Variants in P2RX7 observed in about 807,000 individuals in gnomAD.
P2RX7 encodes purinergic receptor P2X 7.
Under a neutral mutation model 71.6 loss-of-function variants are expected in P2RX7, and 62 were observed. That is an observed-to-expected ratio of 0.87 (90% CI 0.71 to 1.07). The LOEUF (loss-of-function observed/expected upper bound fraction) is 1.07. P2RX7 is among the 50% of genes least tolerant of loss of function. The pLI, the probability that P2RX7 is intolerant of heterozygous loss-of-function variation, is 0.00. For missense variants in P2RX7, 686 were observed against 748.5 expected (o/e 0.92, Z 0.97); for synonymous variants, 299 against 283.3 (o/e 1.06, Z -0.56).
At chr12:121,164,336 G>A (rs139825738) in intron 5 of P2RX7, among the ~76,000 whole-genome samples, 4 of 152,274 alleles carry the variant, frequency 2.6e-5, no homozygotes, top group East Asian at 1.9e-4. Flanking sequence ...ACGTAACTAC[G>A]CATAAGAGAC....
chr12:121,169,141 A>T (rs977029057), intron 8 of P2RX7, among the ~76,000 whole-genome samples: 1 of 151,930 alleles, frequency 6.6e-6, no homozygotes, highest in African/African-American at 2.4e-5. Flanking sequence ...AATTTTTAAA[A>T]TTTTTTTGTA....
chr12:121,177,336 A>C lies in P2RX7; in HGVS notation c.1078A>C (p.Ser360Arg). Reference protein sequence around the residue: ...FIDFLIDTYSSNCCRSHIYPW... With the variant: ...FIDFLIDTYSRNCCRSHIYPW... ...CGACTTCCTCATCGACACTTACTCCAGTAACTGCTGTCGCTCCCATATTTA... is the reference window on the plus strand; with the variant it reads ...CGACTTCCTCATCGACACTTACTCCCGTAACTGCTGTCGCTCCCATATTTA... Residue 360 changes from serine to arginine, a missense_variant, in exon 11 of 13, where the codon AGT becomes CGT. Transcript: ENST00000328963. 1 of 1,614,022 alleles carries C rather than the reference A, an allele frequency of 6.2e-7. No individual in the cohort carries two copies. Among genetic ancestry groups the C allele is most frequent in the Non-Finnish European group, 8.5e-7 (1 of 1,179,998 alleles).
chr12:121,172,072 A>G (rs1049068570), intron 8 of P2RX7, among the ~76,000 whole-genome samples: 15 of 152,110 alleles, frequency 9.9e-5, no homozygotes, highest in African/African-American at 3.6e-4. Context: ...CATGTTAGCC[A>G]GGATGGTCTC....
chr12:121,161,218 C>G (rs2136067731), intron 4 of P2RX7, among the ~76,000 whole-genome samples: 1 of 152,276 alleles, frequency 6.6e-6, no homozygotes, highest in Middle Eastern at 3.4e-3. Context: ...GTTCAGGATT[C>G]TAATCGGTAG....
chr12:121,140,476 A>G (rs780033767), intron 1 of P2RX7, among the ~76,000 whole-genome samples: 1 of 152,190 alleles, frequency 6.6e-6, no homozygotes, highest in Non-Finnish European at 1.5e-5. Context: ...AGGTTCCTGG[A>G]GTCACCAGAT....
chr12:121,183,570 C>CAA (rs36007827), intron 12 of P2RX7, among the ~76,000 whole-genome samples: 2 of 51,236 alleles, frequency 3.9e-5, no homozygotes, highest in African/African-American at 6.9e-5. Flanking sequence ...GACTCCATCT[C>CAA]AAAAAAAAAA....
At chr12:121,172,403 G>T (rs1215140076) in intron 8 of P2RX7, among the ~76,000 whole-genome samples, 1 of 152,212 alleles carries the variant, frequency 6.6e-6, no homozygotes, top group Non-Finnish European at 1.5e-5. Flanking sequence ...GCTGAGGTGG[G>T]TGCATCACTT....
intron 2 of P2RX7, 61 bp downstream of exon 2, chr12:121,155,014 C>G: frequency 1.3e-6 from 2 of 1,599,004 alleles, no homozygotes; most frequent in East Asian, 2.2e-5. Context: ...GGGCCTAGCT[C>G]CCTTCCCCTA....
rs144822602 is a variant in P2RX7 at position 121,172,201 on chromosome 12, G to A, written c.882-3187G>A. ...TCTTGCCTTCAGTTTAAGAGCCACT[G>A]TAACAAGACTCTGGAAGCAGAAATT... On this transcript the variant is annotated intron_variant, in intron 8 of 12. Transcript: ENST00000328963. Among the ~76,000 whole-genome samples the A allele has an allele frequency of 3.7e-3, 571 of 152,308 alleles. 5 individuals carry two copies. The highest frequency in any genetic ancestry group is 0.014 in the Middle Eastern group (4 of 294).
intron 8 of P2RX7, among the ~76,000 whole-genome samples, chr12:121,169,811 C>G (rs1345059391): frequency 1.3e-5 from 2 of 152,162 alleles, no homozygotes; most frequent in Non-Finnish European, 2.9e-5. Context: ...ACTCAGGAGG[C>G]TGAGGCAGGA....
rs1872729264 is a variant in P2RX7, at chr12:121,132,954, G to A, written c.-17G>A. The A allele has an allele frequency of 6.2e-7, 1 of 1,613,394 alleles. No homozygotes were observed. Among genetic ancestry groups the A allele is most frequent in the Non-Finnish European group, 8.5e-7 (1 of 1,180,004 alleles). On this transcript the variant is annotated 5_prime_UTR_variant, in exon 1 of 13. Transcript: ENST00000328963. The stretch of plus-strand genomic sequence containing the variant: ...AGAGCTCTGGTCCAGCTCCGCGCAG[G>A]GAGGGAGGCTGTCACCATGCCGGCC...
At position 121,154,114 on chromosome 12, in the gene P2RX7, C is replaced by A. The variant is rs935264091; in HGVS notation, c.126-671C>A. ...CTCCAGCCTGGGCAACAGAGCAAGGCCCTTTCTCTGGAATAAAAAAAAAAG... is the reference window on the plus strand; with the variant it reads ...CTCCAGCCTGGGCAACAGAGCAAGGACCTTTCTCTGGAATAAAAAAAAAAG... On this transcript the variant is annotated intron_variant, in intron 1 of 12. Transcript: ENST00000328963. The surrounding 1 kb of genome is among the most constrained non-coding windows in gnomAD (Gnocchi z 4.2). 5.3e-5 allele frequency among the ~76,000 whole-genome samples: 8 copies of A among 151,320 alleles called. No homozygotes were observed. Among genetic ancestry groups the A allele is most frequent in the African/African-American group, 1.9e-4 (8 of 41,208 alleles).
intron 5 of P2RX7, among the ~76,000 whole-genome samples, chr12:121,164,841 A>G (rs1476447889): frequency 1.3e-5 from 2 of 152,190 alleles, no homozygotes. Flanking sequence ...ACGAAAAAAA[A>G]GAGGTTTAAT....
At chr12:121,179,015 G>A (rs551613287) in intron 11 of P2RX7, among the ~76,000 whole-genome samples, 1 of 152,088 alleles carries the variant, frequency 6.6e-6, no homozygotes, top group South Asian at 2.1e-4. Flanking sequence ...ATGTGTGGGT[G>A]TATATATGTA....
rs960692160 is a variant in P2RX7 at position 121,185,050 on chromosome 12, T to C, written c.*248T>C. On this transcript the variant is annotated 3_prime_UTR_variant, in exon 13 of 13. Coordinates refer to ENST00000328963, the MANE Select transcript of P2RX7 (RefSeq NM_002562.6). ...TAGTGAGCCCAGATTGTGCCACTGCTCTCCAGCCTGGGAGGCACAGCAAAC... is the reference window on the plus strand; with the variant it reads ...TAGTGAGCCCAGATTGTGCCACTGCCCTCCAGCCTGGGAGGCACAGCAAAC... 2.7e-6 allele frequency: 1 copy of C among 375,770 alleles called. No homozygotes were observed. The highest frequency in any genetic ancestry group is 4.8e-5 in the South Asian group (1 of 20,768). 23.3% of individuals were successfully genotyped at this position (375,770 alleles called of 1,614,324 possible).
rs1278415669 is a variant in P2RX7, at chr12:121,186,394, C to A, written c.*1592C>A. The A allele has an allele frequency of 1.3e-5, 2 of 152,304 alleles. No homozygotes were observed. Among genetic ancestry groups the A allele is most frequent in the Admixed American group, 6.5e-5 (1 of 15,282 alleles). 9.4% of individuals were successfully genotyped at this position (152,304 alleles called of 1,614,324 possible). On this transcript the variant is annotated 3_prime_UTR_variant, in exon 13 of 13. Coordinates refer to ENST00000328963, the MANE Select transcript of P2RX7 (RefSeq NM_002562.6). ...AATGGGCACACAGACTCAGCCCATACCTTCCCTGGTTCTAATGTTCTCAGG... is the reference window on the plus strand; with the variant it reads ...AATGGGCACACAGACTCAGCCCATAACTTCCCTGGTTCTAATGTTCTCAGG...
At chr12:121,145,100 A>C (rs1593015238) in intron 1 of P2RX7, among the ~76,000 whole-genome samples, 1 of 152,350 alleles carries the variant, frequency 6.6e-6, no homozygotes, top group East Asian at 1.9e-4. Flanking sequence ...AAGAAGGTGC[A>C]ACCGACCAGC....
At chr12:121,162,185 C>A (rs960355737) in intron 4 of P2RX7, 18 of 1,260,842 alleles carry the variant, frequency 1.4e-5, no homozygotes, top group Non-Finnish European at 1.8e-5. Context: ...AACAAAAGAG[C>A]CAGCAGAATC....
In P2RX7 at chr12:121,186,420, G is replaced by A. The variant is rs1283767310; in HGVS notation, c.*1618G>A. The A allele has an allele frequency of 6.6e-6, 1 of 152,280 alleles. No individual in the cohort carries two copies. The highest frequency in any genetic ancestry group is 1.9e-4 in the East Asian group (1 of 5,196). The allele number at this position is 152,280 out of a possible 1,614,324, so 9.4% of individuals were successfully genotyped here. A position where few individuals can be genotyped will look rare whatever the true frequency, so the allele number is the denominator to read the frequency against. Reference sequence around the variant, plus strand: ...CTTCCCTGGTTCTAATGTTCTCAGGGAGCCCGGACCAACCCTGGGAGCCTC... The same window carrying A: ...CTTCCCTGGTTCTAATGTTCTCAGGAAGCCCGGACCAACCCTGGGAGCCTC... On this transcript the variant is annotated 3_prime_UTR_variant, in exon 13 of 13. Transcript: ENST00000328963.
Sources: allele counts gnomAD v4.1 joint callset (sites outside exome capture counted in the v4.1 genomes callset), GRCh38; gene constraint gnomAD v4.1.1; non-coding constraint Gnocchi (gnomAD v3.1); transcripts MANE v1.5; gene names NCBI Gene and HGNC (gene_info 2026-07-23, HGNC 2026-07-21).